The following SCHIP1 variants were observed in gnomAD, a reference collection of about 807,000 sequenced individuals.
The protein encoded by SCHIP1 is schwannomin interacting protein 1.
In SCHIP1, 8 loss-of-function variants were observed where a neutral mutation model predicts 29.7. The observed-to-expected ratio is 0.27, with a 90% CI of 0.16 to 0.49. The LOEUF (loss-of-function observed/expected upper bound fraction) is 0.49, where lower values mean the gene tolerates loss of function less well. SCHIP1 is among the 20% of genes least tolerant of loss of function. The probability of loss-of-function intolerance (pLI) is 0.99; values close to 1 mark genes in which losing one functional copy is unlikely to be tolerated. For synonymous variants in SCHIP1, 76 were observed against 94.9 expected (o/e 0.80, Z 1.16); for missense variants, 193 against 294.6 (o/e 0.66, Z 2.52).
chr3:159,344,748 T>C, the SCHIP1 span, among the ~76,000 whole-genome samples: 5 of 152,196 alleles, frequency 3.3e-5, no homozygotes, highest in Admixed American at 2.6e-4. Context: ...AAAAAGTTCA[T>C]TAACTAAAAG....
chr3:159,355,876 A>G, the SCHIP1 span, among the ~76,000 whole-genome samples: 1 of 152,056 alleles, frequency 6.6e-6, no homozygotes, highest in Non-Finnish European at 1.5e-5. Flanking sequence ...CATTTTTTTC[A>G]CTGCTTTATT....
the SCHIP1 span, among the ~76,000 whole-genome samples, chr3:159,363,105 C>T: frequency 6.6e-6 from 1 of 152,154 alleles, no homozygotes. Context: ...ACTCTTCTTA[C>T]TCTCCCTTGA....
At chr3:159,626,498 T>C in the SCHIP1 span, among the ~76,000 whole-genome samples, 4 of 151,926 alleles carry the variant, frequency 2.6e-5, no homozygotes, top group African/African-American at 9.7e-5. Flanking sequence ...GTTTCTATAC[T>C]AGTGGCTCTC....
the SCHIP1 span, among the ~76,000 whole-genome samples, chr3:159,829,072 C>T: frequency 3.3e-5 from 5 of 152,124 alleles, no homozygotes; most frequent in Admixed American, 1.3e-4. Flanking sequence ...GGGGACGAAA[C>T]GATGTAGACT....
the SCHIP1 span, among the ~76,000 whole-genome samples, chr3:159,494,515 A>G: frequency 6.6e-6 from 1 of 152,218 alleles, no homozygotes; most frequent in Non-Finnish European, 1.5e-5. Context: ...AGAAATGGAT[A>G]AATTCCTCGA....
At chr3:159,642,787 G>A in the SCHIP1 span, among the ~76,000 whole-genome samples, 1 of 152,108 alleles carries the variant, frequency 6.6e-6, no homozygotes, top group Non-Finnish European at 1.5e-5. Flanking sequence ...TAGTCAGCAA[G>A]CCAAGGATGC....
chr3:159,385,571 C>G, the SCHIP1 span, among the ~76,000 whole-genome samples: 2 of 37,688 alleles, frequency 5.3e-5, no homozygotes, highest in Non-Finnish European at 1.2e-4. Context: ...AACAAACAAA[C>G]AAACAAAAAA....
At chr3:159,602,493 G>C in the SCHIP1 span, among the ~76,000 whole-genome samples, 2 of 152,026 alleles carry the variant, frequency 1.3e-5, no homozygotes, top group Non-Finnish European at 2.9e-5. Flanking sequence ...AGTGGATCAC[G>C]AGGTCAGGAG....
At chr3:159,688,408 A>G in the SCHIP1 span, among the ~76,000 whole-genome samples, 1 of 152,210 alleles carries the variant, frequency 6.6e-6, no homozygotes, top group East Asian at 1.9e-4. Flanking sequence ...TCTTTTGAGA[A>G]GTATCTGTTC....
chr3:159,328,100 G>A, the SCHIP1 span, among the ~76,000 whole-genome samples: 1 of 152,114 alleles, frequency 6.6e-6, no homozygotes, highest in African/African-American at 2.4e-5. Flanking sequence ...GTAGTCATTA[G>A]CCACATGTGC....
chr3:159,408,515 A>G, the SCHIP1 span, among the ~76,000 whole-genome samples: 10 of 152,158 alleles, frequency 6.6e-5, no homozygotes, highest in African/African-American at 1.9e-4. Flanking sequence ...CAGAATGCAA[A>G]GAATCCTTAG....
the SCHIP1 span, among the ~76,000 whole-genome samples, chr3:159,529,289 A>T: frequency 6.6e-6 from 1 of 152,158 alleles, no homozygotes; most frequent in African/African-American, 2.4e-5. Flanking sequence ...TAGTTAACTA[A>T]ACAAATTTTG....
At chr3:159,308,396 C>T in the SCHIP1 span, among the ~76,000 whole-genome samples, 2 of 152,120 alleles carry the variant, frequency 1.3e-5, no homozygotes, top group African/African-American at 2.4e-5. Context: ...CAAAAGAAGA[C>T]ATACAAGTGG....
At chr3:159,436,389 C>A in the SCHIP1 span, among the ~76,000 whole-genome samples, 4 of 152,092 alleles carry the variant, frequency 2.6e-5, no homozygotes, top group African/African-American at 9.7e-5. Context: ...CCTGCTTCAG[C>A]AGGTTGCTTT....
chr3:159,476,509 T>C, the SCHIP1 span, among the ~76,000 whole-genome samples: 1 of 152,166 alleles, frequency 6.6e-6, no homozygotes, highest in South Asian at 2.1e-4. Context: ...CAAACTTTTA[T>C]AAGAGTAGAC....
the SCHIP1 span, among the ~76,000 whole-genome samples, chr3:159,485,511 A>G: frequency 6.6e-6 from 1 of 152,186 alleles, no homozygotes. Flanking sequence ...ATCTCTTAGC[A>G]CTTACTTTCT....
the SCHIP1 span, among the ~76,000 whole-genome samples, chr3:159,564,953 A>C: frequency 2.0e-5 from 3 of 152,138 alleles, no homozygotes; most frequent in African/African-American, 7.2e-5. Flanking sequence ...ACAGAAGAAC[A>C]TTTTCCTCTT....
At chr3:159,382,322 T>C in the SCHIP1 span, among the ~76,000 whole-genome samples, 1 of 151,114 alleles carries the variant, frequency 6.6e-6, no homozygotes, top group Non-Finnish European at 1.5e-5. Context: ...GTGTTCTCAT[T>C]GTTCATTTCC....
the SCHIP1 span, among the ~76,000 whole-genome samples, chr3:159,337,264 G>A: frequency 6.6e-6 from 1 of 152,102 alleles, no homozygotes; most frequent in Non-Finnish European, 1.5e-5. Flanking sequence ...AAAACTGGAA[G>A]CATTCCCTTT....
Sources: gnomAD v4.1 joint callset for allele counts (sites outside exome capture counted in the v4.1 genomes callset) on GRCh38, gnomAD v4.1.1 for gene constraint, MANE v1.5 for transcripts, NCBI Gene and HGNC (gene_info 2026-07-23, HGNC 2026-07-21) for gene names.